TBCK: variants seen among roughly 807,000 people sequenced by gnomAD.
TBCK encodes TBC1 domain containing kinase, also known as TBC domain-containing protein kinase-like protein.
Under a neutral mutation model 113.4 loss-of-function variants are expected in TBCK, and 99 were observed. That is an observed-to-expected ratio of 0.87 (90% CI 0.74 to 1.03). TBCK has a LOEUF of 1.03. TBCK is among the 50% of genes least tolerant of loss of function. TBCK has a pLI of 0.00. For synonymous variants in TBCK, 369 were observed against 370.8 expected, an observed-to-expected ratio of 1.00 and a Z score of 0.05; for missense variants, 1,045 against 1,061.3, an observed-to-expected ratio of 0.98 and a Z score of 0.21.
intron 25 of TBCK, among the ~76,000 whole-genome samples, chr4:106,076,488 T>C (rs1407629336): frequency 2.6e-5 from 4 of 151,966 alleles, no homozygotes; most frequent in Admixed American, 6.6e-5. Flanking sequence ...TAGTGAGAGG[T>C]TGTCATGTAA....
intron 23 of TBCK, among the ~76,000 whole-genome samples, chr4:106,134,592 C>T (rs540774145): frequency 2.6e-5 from 4 of 152,140 alleles, no homozygotes; most frequent in African/African-American, 9.7e-5. Flanking sequence ...ATTTAAGATA[C>T]GATGTACTTC....
intron 2 of TBCK, among the ~76,000 whole-genome samples, chr4:106,302,528 G>A (rs1275641883): frequency 6.6e-6 from 1 of 152,176 alleles, no homozygotes; most frequent in Non-Finnish European, 1.5e-5. Flanking sequence ...TTGAGAAAAG[G>A]AGGCCTAGGA....
At chr4:106,245,423 AT>A (rs1760686661) in intron 10 of TBCK, among the ~76,000 whole-genome samples, 1 of 152,132 alleles carries the variant, frequency 6.6e-6, no homozygotes, top group African/African-American at 2.4e-5. Context: ...AAATACCAAA[AT>A]GCAGCCAGCT....
rs2149635921 is a variant in TBCK, at chr4:106,135,676, A to G, written c.2236-19298T>C. ...AAAAGCTCTGGAGGAGCGCAGAAAAATTTGATAAATAGTTACTGAATACCT... is the reference window on the plus strand; with the variant it reads ...AAAAGCTCTGGAGGAGCGCAGAAAAGTTTGATAAATAGTTACTGAATACCT... On this transcript the variant is annotated intron_variant, in intron 23 of 25. Coordinates refer to ENST00000394708, the MANE Select transcript of TBCK (RefSeq NM_001163435.3). Among the ~76,000 whole-genome samples the G allele has an allele frequency of 1.4e-5, 2 of 141,856 alleles. 1 individual carries two copies. The highest frequency in any genetic ancestry group is 4.8e-4 in the South Asian group (2 of 4,160). 93.1% of individuals were successfully genotyped at this position (141,856 alleles called of 152,430 possible).
intron 23 of TBCK, among the ~76,000 whole-genome samples, chr4:106,167,033 A>G (rs1279187336): frequency 6.6e-6 from 1 of 150,422 alleles, no homozygotes; most frequent in Non-Finnish European, 1.5e-5. Context: ...TAGACAATAA[A>G]CAATTGGAAA....
chr4:106,178,270 G>T (rs759217766), intron 22 of TBCK, among the ~76,000 whole-genome samples: 21 of 151,820 alleles, frequency 1.4e-4, no homozygotes, highest in Non-Finnish European at 2.7e-4. Context: ...CTGTGAAAAA[G>T]AATAATTTGA....
chr4:106,160,648 A>C (rs1159475645), intron 23 of TBCK, among the ~76,000 whole-genome samples: 2 of 152,084 alleles, frequency 1.3e-5, no homozygotes, highest in African/African-American at 4.8e-5. Flanking sequence ...ACTGAAACCA[A>C]CCCTTGCACA....
chr4:106,179,524 ACAT>A (rs1752082373), intron 22 of TBCK, among the ~76,000 whole-genome samples: 1 of 152,080 alleles, frequency 6.6e-6, no homozygotes, highest in Admixed American at 6.6e-5. Flanking sequence ...ATTCAGAAGC[ACAT>A]CATTTGATTT....
chr4:106,223,554 T>A (rs1174138096), intron 19 of TBCK, among the ~76,000 whole-genome samples: 1 of 152,112 alleles, frequency 6.6e-6, no homozygotes, highest in African/African-American at 2.4e-5. Flanking sequence ...GTTGGGGACA[T>A]CACAGTGAAG....
chr4:106,072,073 T>G (rs1231353864), intron 25 of TBCK, among the ~76,000 whole-genome samples: 1 of 152,224 alleles, frequency 6.6e-6, no homozygotes, highest in Non-Finnish European at 1.5e-5. Flanking sequence ...TGTCTTTTAA[T>G]TAGGGCATTT....
chr4:106,243,162 A>G (rs896579194), intron 11 of TBCK, among the ~76,000 whole-genome samples: 2 of 152,136 alleles, frequency 1.3e-5, no homozygotes, highest in African/African-American at 2.4e-5. Context: ...TTCTTCAAAC[A>G]AGTCTCATTT....
intron 19 of TBCK, among the ~76,000 whole-genome samples, chr4:106,213,151 T>A (rs1275705454): frequency 6.6e-6 from 1 of 152,230 alleles, no homozygotes; most frequent in Admixed American, 6.5e-5. Context: ...TTAAATCTGC[T>A]TTGTATTTCT....
At chr4:106,258,268 T>C (rs1267809789) in intron 5 of TBCK, among the ~76,000 whole-genome samples, 2 of 152,086 alleles carry the variant, frequency 1.3e-5, no homozygotes, top group African/African-American at 4.8e-5. Flanking sequence ...GATGTTTTAA[T>C]AAGGTATTAA....
At chr4:106,064,068 G>A (rs1476011349) in intron 25 of TBCK, among the ~76,000 whole-genome samples, 5 of 151,782 alleles carry the variant, frequency 3.3e-5, no homozygotes, top group Non-Finnish European at 7.4e-5. Context: ...GGAGAGGGGG[G>A]AAAAGCCTCA....
intron 19 of TBCK, among the ~76,000 whole-genome samples, chr4:106,226,459 T>C (rs1758256814): frequency 6.6e-6 from 1 of 152,182 alleles, no homozygotes. Context: ...CTGTTTTTAT[T>C]GCTTATTTGA....
chr4:106,202,956 T>C (rs536531715), intron 20 of TBCK, among the ~76,000 whole-genome samples: 1 of 152,196 alleles, frequency 6.6e-6, no homozygotes, highest in Admixed American at 6.5e-5. Context: ...TATAAGTGTA[T>C]GTGTTTGCAA....
intron 25 of TBCK, among the ~76,000 whole-genome samples, chr4:106,051,596 G>A (rs553918646): frequency 7.0e-6 from 1 of 143,646 alleles, no homozygotes; most frequent in Non-Finnish European, 1.5e-5. Context: ...GCCTCCTCTT[G>A]ACCCTCTGGA....
At chr4:106,258,624 C>T (rs1002568164) in intron 5 of TBCK, among the ~76,000 whole-genome samples, 10 of 151,890 alleles carry the variant, frequency 6.6e-5, no homozygotes, top group African/African-American at 2.4e-4. Context: ...CTCCTTTCTT[C>T]GATTCATCAC....
chr4:106,124,256 A>G (rs183900954), intron 23 of TBCK, among the ~76,000 whole-genome samples: 14 of 152,378 alleles, frequency 9.2e-5, no homozygotes, highest in African/African-American at 1.2e-4. Flanking sequence ...AAAATTGCTC[A>G]TTATCACTGG....
Sources: gnomAD v4.1 joint callset for allele counts (sites outside exome capture counted in the v4.1 genomes callset) on GRCh38, gnomAD v4.1.1 for gene constraint, MANE v1.5 for transcripts, NCBI Gene and HGNC (gene_info 2026-07-23, HGNC 2026-07-21) for gene names.